The following DIP2C variants were observed in gnomAD, a reference collection of about 807,000 sequenced individuals.
DIP2C encodes disco-interacting protein 2 homolog C.
In DIP2C, 33 loss-of-function variants were observed where a neutral mutation model predicts 192.4. The observed-to-expected ratio is 0.17, with a 90% CI of 0.13 to 0.23. The LOEUF (loss-of-function observed/expected upper bound fraction) is 0.23, where lower values mean the gene tolerates loss of function less well. Among genes scored for constraint, DIP2C ranks in the 10% least tolerant of loss-of-function variants. The probability of loss-of-function intolerance (pLI) is 1.00; values close to 1 mark genes in which losing one functional copy is unlikely to be tolerated. For synonymous variants in DIP2C, 979 were observed against 864.1 expected, an observed-to-expected ratio of 1.13 and a Z score of -2.33; for missense variants, 1,537 against 2,110.1, an observed-to-expected ratio of 0.73 and a Z score of 5.32.
intron 1 of DIP2C, among the ~76,000 whole-genome samples, chr10:549,433 G>T (rs961344192): frequency 4.6e-5 from 7 of 152,134 alleles, no homozygotes; most frequent in African/African-American, 1.4e-4. Context: ...CCATCCACAA[G>T]CCAACAGGTG....
At chr10:304,508 C>T (rs1956212084) in intron 32 of DIP2C, among the ~76,000 whole-genome samples, 1 of 152,196 alleles carries the variant, frequency 6.6e-6, no homozygotes, top group African/African-American at 2.4e-5. Flanking sequence ...CTCTGGCCCC[C>T]TCCCAGCAAA....
rs74778296 is a variant in DIP2C, at chr10:378,574, G to C, written c.1991+4073C>G. On this transcript the variant is annotated intron_variant, in intron 17 of 36. Coordinates refer to ENST00000280886, the MANE Select transcript of DIP2C (RefSeq NM_014974.3). ...GCAGACACGTGAACACAAACATGCAGACATGTGAACGCAGACATAGACACA... is the reference window on the plus strand; with the variant it reads ...GCAGACACGTGAACACAAACATGCACACATGTGAACGCAGACATAGACACA... Among the ~76,000 whole-genome samples the C allele has an allele frequency of 2.6e-3, 339 of 132,336 alleles. 6 individuals carry two copies. The highest frequency in any genetic ancestry group is 8.9e-3 in the African/African-American group (302 of 33,948). 86.8% of individuals were successfully genotyped at this position (132,336 alleles called of 152,430 possible). A position where few individuals can be genotyped will look rare whatever the true frequency, so the allele number is the denominator to read the frequency against.
intron 23 of DIP2C, among the ~76,000 whole-genome samples, chr10:357,237 T>C (rs1266567488): frequency 2.0e-5 from 3 of 152,162 alleles, no homozygotes; most frequent in African/African-American, 7.2e-5. Context: ...CACGGCACAA[T>C]GTGCAAAGTC....
Position 479,780 on chromosome 10 carries a change from C to T in DIP2C, c.157+6679G>A, listed in dbSNP as rs924766297. Among the ~76,000 whole-genome samples, 8 of 152,204 alleles carry T rather than the reference C, an allele frequency of 5.3e-5. No individual in the cohort carries two copies. In the East Asian group the frequency reaches 5.8e-4, roughly 11 times the overall value. Reference sequence around the variant, plus strand: ...CTGGAAATTGTCAGTGATCCAGGGACGGGAGAGTCTGACGTCTGCATCTCA... The same window carrying T: ...CTGGAAATTGTCAGTGATCCAGGGATGGGAGAGTCTGACGTCTGCATCTCA... On this transcript the variant is annotated intron_variant, in intron 2 of 36. Transcript: ENST00000280886.
intron 1 of DIP2C, among the ~76,000 whole-genome samples, chr10:544,602 G>A (rs74980157): frequency 0.019 from 2,882 of 152,028 alleles, 111 homozygotes; most frequent in African/African-American, 0.066. Flanking sequence ...ACATGTCACC[G>A]TCCAGTACTG....
chr10:453,875 G>A (rs1010338181), intron 3 of DIP2C, among the ~76,000 whole-genome samples: 5 of 152,178 alleles, frequency 3.3e-5, no homozygotes, highest in African/African-American at 9.7e-5. Context: ...GTGAGCTGCT[G>A]GCTGCCATGC....
chr10:672,842 G>C (rs1256428804), intron 1 of DIP2C, among the ~76,000 whole-genome samples: 3 of 152,124 alleles, frequency 2.0e-5, no homozygotes, highest in African/African-American at 7.2e-5. Context: ...GATTCTAGAA[G>C]GTGCTATACA....
intron 1 of DIP2C, among the ~76,000 whole-genome samples, chr10:660,705 C>T (rs997744610): frequency 6.6e-6 from 1 of 152,210 alleles, no homozygotes; most frequent in Admixed American, 6.5e-5. Flanking sequence ...AAAGACTCTA[C>T]AAGGTCATTA....
chr10:467,545 AAATAAAAATTAT>A (rs1970315817), intron 3 of DIP2C, among the ~76,000 whole-genome samples: 1 of 115,494 alleles, frequency 8.7e-6, no homozygotes, highest in African/African-American at 2.7e-5. Context: ...AAAATAAATA[AAATAAAAATTAT>A]TTAAGTGTAA....
At chr10:678,807 A>C (rs12781871) in intron 1 of DIP2C, among the ~76,000 whole-genome samples, 1 of 41,416 alleles carries the variant, frequency 2.4e-5, no homozygotes, top group Non-Finnish European at 4.3e-5. Flanking sequence ...CCCCACGCCC[A>C]TGCTCCCCGC....
At chr10:517,431 G>A (rs774937276) in intron 1 of DIP2C, among the ~76,000 whole-genome samples, 2 of 152,112 alleles carry the variant, frequency 1.3e-5, no homozygotes, top group African/African-American at 2.4e-5. Context: ...ACCCAAGCCC[G>A]ACGCTCCGCC....
intron 1 of DIP2C, among the ~76,000 whole-genome samples, chr10:615,619 A>G (rs1853414701): frequency 6.7e-6 from 1 of 150,332 alleles, no homozygotes. Flanking sequence ...TCATATACAC[A>G]CACACACCCG....
At chr10:278,328 C>T (rs1330446002) in intron 36 of DIP2C, among the ~76,000 whole-genome samples, 2 of 152,252 alleles carry the variant, frequency 1.3e-5, no homozygotes, top group Non-Finnish European at 2.9e-5. Flanking sequence ...GTTTCCCAGT[C>T]CTGGGGCTTG....
intron 17 of DIP2C, among the ~76,000 whole-genome samples, chr10:371,054 T>C (rs1472650540): frequency 4.6e-5 from 7 of 152,124 alleles, no homozygotes; most frequent in Admixed American, 4.6e-4. Flanking sequence ...TCCCCGGGCT[T>C]TCCATTATCC....
chr10:465,821 C>T (rs1368869547), intron 3 of DIP2C, among the ~76,000 whole-genome samples: 9 of 150,844 alleles, frequency 6.0e-5, no homozygotes, highest in Non-Finnish European at 1.3e-4. Flanking sequence ...CCTAGGAATC[C>T]AACTTACAAG....
At chr10:304,505 C>T (rs866892104) in intron 32 of DIP2C, among the ~76,000 whole-genome samples, 2 of 152,134 alleles carry the variant, frequency 1.3e-5, no homozygotes, top group Non-Finnish European at 2.9e-5. Context: ...GAACTCTGGC[C>T]CCCTCCCAGC....
chr10:297,495 C>A (rs1195376325), intron 32 of DIP2C, among the ~76,000 whole-genome samples: 4 of 152,110 alleles, frequency 2.6e-5, no homozygotes, highest in Non-Finnish European at 5.9e-5. Context: ...TCAGCCATAA[C>A]AGAGAATGAA....
At chr10:418,951 C>G in intron 6 of DIP2C, 114 bp downstream of exon 6, 2 of 1,482,190 alleles carry the variant, frequency 1.3e-6, no homozygotes, top group Non-Finnish European at 1.8e-6. Context: ...GATAAATTGG[C>G]TTTGTCAGAA....
chr10:569,519 A>G (rs1159093823), intron 1 of DIP2C, among the ~76,000 whole-genome samples: 1 of 152,194 alleles, frequency 6.6e-6, no homozygotes, highest in Non-Finnish European at 1.5e-5. Context: ...ATAACAAACC[A>G]AAGCATGTGT....
Sources: allele counts gnomAD v4.1 joint callset (sites outside exome capture counted in the v4.1 genomes callset), GRCh38; gene constraint gnomAD v4.1.1; transcripts MANE v1.5; gene names NCBI Gene and HGNC (gene_info 2026-07-23, HGNC 2026-07-21).